The following PCDHA11 variants were observed in gnomAD, a reference collection of about 807,000 sequenced individuals.
PCDHA11 encodes protocadherin alpha 11, also known as protocadherin alpha-11.
Under a neutral mutation model 70.3 loss-of-function variants are expected in PCDHA11, and 61 were observed. The ratio of observed to expected loss-of-function variants is 0.87; its 90% CI spans 0.71 to 1.07. The LOEUF is 1.07. Among genes scored for constraint, PCDHA11 ranks in the 50% least tolerant of loss-of-function variants. The pLI is 0.00. For synonymous variants in PCDHA11, 633 were observed against 555.1 expected, an observed-to-expected ratio of 1.14 and a Z score of -1.97; for missense variants, 1,324 against 1,237.5, an observed-to-expected ratio of 1.07 and a Z score of -1.05.
chr5:140,958,035 T>G (rs1284725890), intron 1 of PCDHA11, among the ~76,000 whole-genome samples: 2 of 152,120 alleles, frequency 1.3e-5, no homozygotes, highest in African/African-American at 4.8e-5. Context: ...ATGCTTTCTT[T>G]GCTTGTGATA....
intron 1 of PCDHA11, chr5:140,883,444 T>C: frequency 3.1e-6 from 5 of 1,614,170 alleles, no homozygotes; most frequent in Non-Finnish European, 4.2e-6. Context: ...TGACGCCGCA[T>C]GTCCCCTTCA....
chr5:140,952,841 C>T (rs2094805193), intron 1 of PCDHA11, among the ~76,000 whole-genome samples: 1 of 152,102 alleles, frequency 6.6e-6, no homozygotes, highest in South Asian at 2.1e-4. Context: ...TGGCCATCTG[C>T]TTGTCTTCTG....
chr5:141,007,107 A>G (rs1162403610), intron 3 of PCDHA11, among the ~76,000 whole-genome samples: 1 of 152,190 alleles, frequency 6.6e-6, no homozygotes, highest in Non-Finnish European at 1.5e-5. Context: ...GCCAAACCCA[A>G]GGAAGCTTCA....
At chr5:140,967,695 T>C (rs782761674) in intron 1 of PCDHA11, 5 of 1,614,184 alleles carry the variant, frequency 3.1e-6, no homozygotes, top group Admixed American at 1.7e-5. Flanking sequence ...CTCTTCAGCA[T>C]AGATGCCAGT....
rs189949937 is a variant in PCDHA11 at position 140,920,653 on chromosome 5, T to C, written c.2391+49159T>C. On this transcript the variant is annotated intron_variant, in intron 1 of 3. Coordinates refer to ENST00000398640, the MANE Select transcript of PCDHA11 (RefSeq NM_018902.5). ...AAGGTCAAGAGATTGAGACCATCCT[T>C]GCCAACATGGTGAAACCCCATCTCT... is the stretch of plus-strand genomic sequence containing the variant. Among the ~76,000 whole-genome samples, 1,219 of 152,042 alleles carry C rather than the reference T, an allele frequency of 8.0e-3. 5 individuals carry two copies. Among genetic ancestry groups the C allele is most frequent in the African/African-American group, 0.019 (786 of 41,502 alleles).
In PCDHA11 at chr5:140,972,316, G is replaced by GT. The variant is rs112435719; in HGVS notation, c.2392-6621dup. On this transcript the variant is annotated intron_variant, in intron 1 of 3. Coordinates refer to ENST00000398640, the MANE Select transcript of PCDHA11 (RefSeq NM_018902.5). ...CACCGTGTCTGACTAGTTTTTAGGT[G>GT]TTTTTTTTTTTTGGAAGAGATGGGG... 6.7e-3 allele frequency among the ~76,000 whole-genome samples: 929 copies of GT among 139,652 alleles called. 6 individuals carry two copies. The highest frequency in any genetic ancestry group is 0.017 in the African/African-American group (645 of 38,294). The allele number at this position is 139,652 out of a possible 152,430, so 91.6% of individuals were successfully genotyped here.
chr5:140,875,198 G>T (rs782209612), intron 1 of PCDHA11: 16 of 552,110 alleles, frequency 2.9e-5, no homozygotes, highest in Non-Finnish European at 4.5e-5. Flanking sequence ...GACCCAGGAA[G>T]TGGCTAAACC....
intron 1 of PCDHA11, among the ~76,000 whole-genome samples, chr5:140,953,372 A>G (rs1472097697): frequency 6.6e-6 from 1 of 151,982 alleles, no homozygotes; most frequent in Non-Finnish European, 1.5e-5. Flanking sequence ...AGGATTCTCT[A>G]CCCCTCTCAG....
intron 1 of PCDHA11, among the ~76,000 whole-genome samples, chr5:140,912,341 G>GT (rs1430124831): frequency 9.5e-5 from 12 of 126,362 alleles, no homozygotes; most frequent in African/African-American, 4.2e-4. Flanking sequence ...AGTACACTAA[G>GT]TATTTTTTTT....
intron 1 of PCDHA11, chr5:140,929,822 A>G (rs1554207413): frequency 1.9e-5 from 3 of 157,286 alleles, no homozygotes; most frequent in African/African-American, 2.4e-5. Flanking sequence ...GAAAGGGAAC[A>G]TAAGAGAACA....
At chr5:140,895,197 T>C (rs782373000) in intron 1 of PCDHA11, among the ~76,000 whole-genome samples, 2 of 152,182 alleles carry the variant, frequency 1.3e-5, no homozygotes, top group Non-Finnish European at 1.5e-5. Flanking sequence ...AAGTTTTGAA[T>C]TTGCTTTTAT....
chr5:140,967,386 T>TA, intron 1 of PCDHA11: 1 of 1,609,114 alleles, frequency 6.2e-7, no homozygotes, highest in Non-Finnish European at 8.5e-7. Context: ...AGTAAAGTGC[T>TA]TGAGCTGGTG....
At chr5:140,949,816 A>G (rs1223140568) in intron 1 of PCDHA11, among the ~76,000 whole-genome samples, 2 of 151,532 alleles carry the variant, frequency 1.3e-5, no homozygotes, top group African/African-American at 4.8e-5. Context: ...TTTGCTTTCT[A>G]TTTGTCCCCT....
intron 3 of PCDHA11, among the ~76,000 whole-genome samples, chr5:141,006,464 C>T (rs1243356826): frequency 5.9e-5 from 9 of 152,100 alleles, no homozygotes; most frequent in African/African-American, 1.7e-4. Context: ...CTGCCTGTCT[C>T]GGCCTCCCAA....
intron 1 of PCDHA11, chr5:140,877,311 G>T: frequency 6.2e-7 from 1 of 1,613,970 alleles, no homozygotes. Flanking sequence ...AGTTGCAACC[G>T]GCGGCGGTCG....
At chr5:140,987,429 G>T (rs1402576200) in intron 3 of PCDHA11, among the ~76,000 whole-genome samples, 2 of 152,096 alleles carry the variant, frequency 1.3e-5, no homozygotes, top group Admixed American at 1.3e-4. Flanking sequence ...GAAGCAGGGG[G>T]CCTTTCCCCA....
chr5:140,967,012 G>A, intron 1 of PCDHA11: 1 of 1,606,776 alleles, frequency 6.2e-7, no homozygotes, highest in Non-Finnish European at 8.5e-7. Flanking sequence ...TCAACCATCT[G>A]GGTGCGCCCA....
chr5:140,882,555 G>A (rs1554174539), intron 1 of PCDHA11: 1 of 1,614,272 alleles, frequency 6.2e-7, no homozygotes, highest in Admixed American at 1.7e-5. Flanking sequence ...GAGGAGCTGT[G>A]TGGGCGGAGC....
intron 1 of PCDHA11, among the ~76,000 whole-genome samples, chr5:140,943,803 G>A (rs1429767850): frequency 6.6e-6 from 1 of 152,214 alleles, no homozygotes; most frequent in Non-Finnish European, 1.5e-5. Flanking sequence ...AAGCAAAAGA[G>A]GAAAGTTTGA....
Sources: allele counts gnomAD v4.1 joint callset (sites outside exome capture counted in the v4.1 genomes callset), GRCh38; gene constraint gnomAD v4.1.1; transcripts MANE v1.5; gene names NCBI Gene and HGNC (gene_info 2026-07-23, HGNC 2026-07-21).